Variants in SULT1B1 observed in about 807,000 individuals in gnomAD.
The protein encoded by SULT1B1 is sulfotransferase family 1B member 1.
A neutral mutation model predicts 34.6 loss-of-function variants in SULT1B1; 28 were observed. The observed-to-expected ratio is 0.81, with a 90% CI of 0.60 to 1.11. The LOEUF (loss-of-function observed/expected upper bound fraction) is 1.11, where lower values mean the gene tolerates loss of function less well. Ranked by LOEUF, SULT1B1 falls within the 50% of genes least tolerant of loss-of-function variation. The pLI is 0.00. For missense variants in SULT1B1, 374 were observed against 352.2 expected (o/e 1.06, Z -0.50); for synonymous variants, 147 against 110.2 (o/e 1.33, Z -2.09).
At chr4:69,756,335 G>A (rs1719192088) in intron 1 of SULT1B1, among the ~76,000 whole-genome samples, 1 of 152,014 alleles carries the variant, frequency 6.6e-6, no homozygotes, top group Non-Finnish European at 1.5e-5. Flanking sequence ...TTCTTGATTA[G>A]AAGCTGTCAT....
chr4:69,725,885 G>C lies in SULT1B1; in HGVS notation c.*1203C>G, dbSNP rs1448749849. On this transcript the variant is annotated 3_prime_UTR_variant, in exon 8 of 8. Coordinates refer to ENST00000310613, the MANE Select transcript of SULT1B1 (RefSeq NM_014465.4). Reference sequence around the variant, plus strand: ...TGGGGCCTGTTGTGGGGTGGAGGGAGGGGGGAAGGATAGCATTAGGAGGTA... The same window carrying C: ...TGGGGCCTGTTGTGGGGTGGAGGGACGGGGGAAGGATAGCATTAGGAGGTA... 1 of 151,064 alleles carries C rather than the reference G, an allele frequency of 6.6e-6. No homozygotes were observed. Among genetic ancestry groups the C allele is most frequent in the Non-Finnish European group, 1.5e-5 (1 of 67,766 alleles). The allele number at this position is 151,064 out of a possible 1,614,324, so 9.4% of individuals were successfully genotyped here.
intron 4 of SULT1B1, among the ~76,000 whole-genome samples, chr4:69,739,245 C>A (rs1718443678): frequency 6.6e-6 from 1 of 152,214 alleles, no homozygotes; most frequent in Non-Finnish European, 1.5e-5. Context: ...TCCAATCCCA[C>A]ATTTCCCTTC....
chr4:69,753,480 A>G (rs1578067844), intron 3 of SULT1B1, among the ~76,000 whole-genome samples: 1 of 152,206 alleles, frequency 6.6e-6, no homozygotes, highest in East Asian at 1.9e-4. Flanking sequence ...ATAAAATGAG[A>G]AAATGTTTTA....
At position 69,733,401 on chromosome 4, in the gene SULT1B1, C is replaced by A. The variant is rs999722175; in HGVS notation, c.597+12G>T. The A allele has an allele frequency of 3.8e-6, 6 of 1,560,008 alleles. No individual in the cohort carries two copies. The highest frequency in any genetic ancestry group is 5.2e-6 in the Non-Finnish European group (6 of 1,145,428). On this transcript the variant is annotated intron_variant, in intron 6 of 7. Coordinates refer to ENST00000310613, the MANE Select transcript of SULT1B1 (RefSeq NM_014465.4). ...TGGGGAAATTATCCAGAATCCATAT[C>A]TACCATTTTACCTCTTTCATATCTT...
intron 4 of SULT1B1, among the ~76,000 whole-genome samples, chr4:69,743,154 C>T (rs1604744): frequency 0.53 from 81,168 of 152,006 alleles, 21,998 homozygotes; most frequent in South Asian, 0.56. Context: ...GTGTTACAGC[C>T]CTTTCAGTTC....
intron 6 of SULT1B1, among the ~76,000 whole-genome samples, chr4:69,732,600 T>C (rs1028870062): frequency 6.6e-6 from 1 of 152,030 alleles, no homozygotes; most frequent in Admixed American, 6.6e-5. Flanking sequence ...TTCAGGCTTT[T>C]ATAAGTAAGG....
In SULT1B1 at chr4:69,754,728, A is replaced by C; in HGVS notation, c.219T>G (p.Gly73=). The C allele has an allele frequency of 6.2e-7, 1 of 1,613,406 alleles. No individual in the cohort carries two copies. Among genetic ancestry groups the C allele is most frequent in the Non-Finnish European group, 8.5e-7 (1 of 1,179,548 alleles). ...ACATTGGAACTTTTTCAGTAATAAA[A>C]CCTCGCTTACATTTTTCAATATCTC... ...NDGDIEKCKR[G]FITEKVPMLE... is the part of the protein sequence containing the mutation. Residue 73 remains glycine (G), a synonymous_variant, in exon 3 of 8, where the codon GGT becomes GGG. Transcript: ENST00000310613.
intron 1 of SULT1B1, among the ~76,000 whole-genome samples, chr4:69,759,908 AC>A (rs970120927): frequency 1.3e-5 from 2 of 152,244 alleles, no homozygotes; most frequent in African/African-American, 4.8e-5. Flanking sequence ...AAAATAAAAA[AC>A]AATGCCTGTT....
chr4:69,752,198 T>G (rs1341423434), intron 3 of SULT1B1, among the ~76,000 whole-genome samples: 3 of 152,248 alleles, frequency 2.0e-5, no homozygotes, highest in Admixed American at 2.0e-4. Flanking sequence ...TATTTATACT[T>G]GAATTTTAAG....
chr4:69,755,165 T>A lies in SULT1B1; in HGVS notation c.53A>T (p.Tyr18Phe), dbSNP rs149663789. 81 of 1,613,746 alleles carry A rather than the reference T, an allele frequency of 5.0e-5. No individual in the cohort carries two copies. The highest frequency in any genetic ancestry group is 1.6e-4 in the Middle Eastern group (1 of 6,084). Residue 18 changes from tyrosine (Y) to phenylalanine (F), a missense_variant, in exon 2 of 8, where the codon TAT becomes TTT. Tyr to Phe is a conservative substitution (Grantham distance 22, BLOSUM62 3). Coordinates refer to ENST00000310613, the MANE Select transcript of SULT1B1 (RefSeq NM_014465.4). ...GCTTGCAAAAGCACAGGTCATGGGA[T>A]AACCATGGACCAACTTCAGATCTTT... ...LRKDLKLVHGYPMTCAFASNW... is the reference protein window; with the variant it reads ...LRKDLKLVHGFPMTCAFASNW...
intron 4 of SULT1B1, among the ~76,000 whole-genome samples, chr4:69,738,885 A>G (rs1342064199): frequency 6.6e-6 from 1 of 152,088 alleles, no homozygotes; most frequent in Non-Finnish European, 1.5e-5. Flanking sequence ...TCCAAATGGG[A>G]AAAAAATGGT....
At chr4:69,758,395 A>T in intron 1 of SULT1B1, 1 of 985,222 alleles carries the variant, frequency 1.0e-6, no homozygotes, top group Non-Finnish European at 1.2e-6. Context: ...GTACATTCAG[A>T]TGTTAGACTT....
chr4:69,734,009 T>G (rs1718191851), intron 5 of SULT1B1, 129 bp downstream of exon 5: 2 of 808,720 alleles, frequency 2.5e-6, no homozygotes, highest in Non-Finnish European at 3.5e-6. Context: ...GATTTAGTTT[T>G]TTAGATAATA....
chr4:69,747,172 T>C (rs1718782856), intron 4 of SULT1B1, among the ~76,000 whole-genome samples: 2 of 152,234 alleles, frequency 1.3e-5, no homozygotes, highest in East Asian at 1.9e-4. Flanking sequence ...TGGGAGAGTG[T>C]AATCCAACAT....
At chr4:69,734,108 C>T (rs1311087159) in intron 5 of SULT1B1, 30 bp downstream of exon 5, 12 of 1,502,208 alleles carry the variant, frequency 8.0e-6, no homozygotes, top group African/African-American at 1.4e-5. Flanking sequence ...ATAAAAAATA[C>T]TTATCAATTT....
At chr4:69,746,950 A>T (rs1718771212) in intron 4 of SULT1B1, among the ~76,000 whole-genome samples, 1 of 151,870 alleles carries the variant, frequency 6.6e-6, no homozygotes, top group Non-Finnish European at 1.5e-5. Flanking sequence ...TCCTTTTTGG[A>T]TGCTTTTAGG....
chr4:69,738,290 A>C (rs918140317), intron 4 of SULT1B1, among the ~76,000 whole-genome samples: 1 of 151,994 alleles, frequency 6.6e-6, no homozygotes, highest in African/African-American at 2.4e-5. Flanking sequence ...ATAAGTTTTC[A>C]CTCTGCTATA....
Position 69,749,749 on chromosome 4 carries a change from G to C in SULT1B1, c.347C>G (p.Pro116Arg). The C allele has an allele frequency of 6.2e-7, 1 of 1,613,622 alleles. No individual in the cohort carries two copies. ...VKTHLPTDLL[P>R]KSFWENNCKM... ...GCAATTGTTTTCCCAGAAAGATTTA[G>C]GAAGAAGATCAGTCGGTAGATGTGT... The change falls in exon 4 of 8, where the codon CCT becomes CGT. Residue 116 changes from proline (P) to arginine (R), a missense_variant. By Grantham distance (103) the Pro-to-Arg change is moderately radical. Coordinates refer to ENST00000310613, the MANE Select transcript of SULT1B1 (RefSeq NM_014465.4).
chr4:69,749,493 G>A (rs1375404211), intron 4 of SULT1B1, among the ~76,000 whole-genome samples: 1 of 152,128 alleles, frequency 6.6e-6, no homozygotes, highest in African/African-American at 2.4e-5. Flanking sequence ...TAGTAATATT[G>A]TGCTGAGGTT....
Sources: gnomAD v4.1 joint callset for allele counts (sites outside exome capture counted in the v4.1 genomes callset) on GRCh38, gnomAD v4.1.1 for gene constraint, MANE v1.5 for transcripts, NCBI Gene and HGNC (gene_info 2026-07-23, HGNC 2026-07-21) for gene names.